Variants in EXO1 observed in about 807,000 individuals in gnomAD.
EXO1 encodes the protein exonuclease 1.
In EXO1, 69 loss-of-function variants were observed where a neutral mutation model predicts 84.5. The ratio of observed to expected loss-of-function variants is 0.82; its 90% CI spans 0.67 to 1.00. The LOEUF (loss-of-function observed/expected upper bound fraction) is 1.00. Among genes scored for constraint, EXO1 ranks in the 50% least tolerant of loss-of-function variants. The pLI is 0.00. For missense variants in EXO1, 1,045 were observed against 1,000.7 expected, an observed-to-expected ratio of 1.04 and a Z score of -0.60; for synonymous variants, 373 against 366.1, an observed-to-expected ratio of 1.02 and a Z score of -0.21.
intron 10 of EXO1, among the ~76,000 whole-genome samples, chr1:241,862,775 G>A (rs1307338251): frequency 1.3e-5 from 2 of 152,120 alleles, no homozygotes; most frequent in African/African-American, 4.8e-5. Context: ...CTTCCATTTC[G>A]TTGCTACATC....
At chr1:241,870,150 C>T (rs1041900142) in intron 11 of EXO1, among the ~76,000 whole-genome samples, 3 of 152,150 alleles carry the variant, frequency 2.0e-5, no homozygotes, top group Non-Finnish European at 4.4e-5. Flanking sequence ...AATCAAGACA[C>T]GCTGTCCATT....
In EXO1 at chr1:241,872,345, C is replaced by T. The variant is rs1425774336; in HGVS notation, c.1514+67C>T. 8 of 1,540,720 alleles carry T rather than the reference C, an allele frequency of 5.2e-6. No individual in the cohort carries two copies. In the Admixed American group the frequency reaches 1.3e-4, roughly 26 times the overall value. On this transcript the variant is annotated intron_variant, in intron 12 of 15. Transcript: ENST00000366548. The stretch of plus-strand genomic sequence containing the variant: ...TGTACTCTGTTGGTATTTATTTTGT[C>T]TTTTTTTAGAATTAATTTATTTATT...
chr1:241,862,085 T>A (rs926879328), intron 10 of EXO1, among the ~76,000 whole-genome samples: 1 of 152,096 alleles, frequency 6.6e-6, no homozygotes, highest in African/African-American at 2.4e-5. Flanking sequence ...ATTACAGGCA[T>A]GCACCACCAC....
At chr1:241,856,708 C>T (rs1661067711) in intron 6 of EXO1, among the ~76,000 whole-genome samples, 1 of 152,060 alleles carries the variant, frequency 6.6e-6, no homozygotes, top group African/African-American at 2.4e-5. Context: ...GGAACATAGC[C>T]ATTCTTAAGA....
intron 6 of EXO1, among the ~76,000 whole-genome samples, chr1:241,855,790 G>A (rs1189158373): frequency 1.3e-5 from 2 of 152,188 alleles, no homozygotes; most frequent in Admixed American, 6.5e-5. Flanking sequence ...ACTGCTGGGG[G>A]ACCCAGTACA....
At chr1:241,861,185 T>C (rs944476203) in intron 9 of EXO1, among the ~76,000 whole-genome samples, 1 of 152,328 alleles carries the variant, frequency 6.6e-6, no homozygotes, top group Admixed American at 6.5e-5. Flanking sequence ...GAGTCAGTGA[T>C]GGCCTGGGCC....
rs1289992812 is a variant in EXO1, at chr1:241,879,129, A to G, written c.1895A>G (p.Gln632Arg). Reference sequence around the variant, plus strand: ...CCCTCTCCAAGCACAGCATTGCAGCAGTTCCGAAGAAAGAGCGATTCCCCC... The same window carrying G: ...CCCTCTCCAAGCACAGCATTGCAGCGGTTCCGAAGAAAGAGCGATTCCCCC... Reference protein sequence around the residue: ...PSPSPSTALQQFRRKSDSPTS... With the variant: ...PSPSPSTALQRFRRKSDSPTS... Residue 632 changes from glutamine to arginine, a missense_variant, in exon 13 of 16, where the codon CAG (glutamine) becomes CGG (arginine). Coordinates refer to ENST00000366548, the MANE Select transcript of EXO1 (RefSeq NM_130398.4). The G allele has an allele frequency of 2.5e-6, 4 of 1,610,432 alleles. No homozygotes were observed. The highest frequency in any genetic ancestry group is 3.4e-6 in the Non-Finnish European group (4 of 1,176,802).
At chr1:241,855,481 C>G (rs1660939996) in intron 6 of EXO1, among the ~76,000 whole-genome samples, 1 of 152,230 alleles carries the variant, frequency 6.6e-6, no homozygotes, top group Non-Finnish European at 1.5e-5. Context: ...TAAAGATTCT[C>G]CAAGGCCCCA....
At chr1:241,855,837 T>C (rs12562788) in intron 6 of EXO1, among the ~76,000 whole-genome samples, 11,104 of 152,274 alleles carry the variant, frequency 0.073, 617 homozygotes, top group Admixed American at 0.17. Flanking sequence ...TAAGCCCTCA[T>C]TGCCTGGGGC....
chr1:241,881,581 A>G (rs941137907), intron 13 of EXO1, among the ~76,000 whole-genome samples: 14 of 152,230 alleles, frequency 9.2e-5, no homozygotes, highest in Admixed American at 2.0e-4. Flanking sequence ...AGCTAGTAAG[A>G]TGAAAACTTA....
intron 8 of EXO1, 67 bp from the exon 9 acceptor site, chr1:241,860,450 C>A: frequency 8.1e-7 from 1 of 1,228,376 alleles, no homozygotes; most frequent in African/African-American, 1.5e-5. Context: ...GTAAATCAAT[C>A]AGCCTTGAGG....
At chr1:241,855,549 A>G (rs1370112325) in intron 6 of EXO1, among the ~76,000 whole-genome samples, 4 of 152,234 alleles carry the variant, frequency 2.6e-5, no homozygotes, top group African/African-American at 4.8e-5. Flanking sequence ...GCTGCAGGTG[A>G]AGCTGCCTGT....
intron 4 of EXO1, among the ~76,000 whole-genome samples, chr1:241,852,077 G>A (rs571532202): frequency 2.6e-5 from 4 of 152,340 alleles, no homozygotes; most frequent in African/African-American, 9.6e-5. Context: ...GGAGGGTCAA[G>A]TAGTTCACCA....
At position 241,889,548 on chromosome 1, in the gene EXO1, A is replaced by C; in HGVS notation, c.2489A>C (p.Asp830Ala). ...CAACTAACTCCAGAAGCGGAAGAGGATATATTTAACAAACCTGAATGTGGC... is the reference window on the plus strand; with the variant it reads ...CAACTAACTCCAGAAGCGGAAGAGGCTATATTTAACAAACCTGAATGTGGC... The part of the protein sequence containing the change: ...NIQLTPEAEE[D>A]IFNKPECGRV... Residue 830 changes from aspartate (D) to alanine (A), a missense_variant, in exon 16 of 16, where the codon GAT becomes GCT. Physicochemically the swap from Asp to Ala is moderately radical, Grantham distance 126. Transcript: ENST00000366548. 6.2e-7 allele frequency: 1 copy of C among 1,613,958 alleles called. No individual in the cohort carries two copies. The highest frequency in any genetic ancestry group is 1.3e-5 in the African/African-American group (1 of 75,046).
intron 10 of EXO1, among the ~76,000 whole-genome samples, chr1:241,864,238 G>A (rs1661578669): frequency 6.6e-6 from 1 of 152,152 alleles, no homozygotes; most frequent in South Asian, 2.1e-4. Flanking sequence ...ATTCTCCAAT[G>A]TTGGAATGTT....
intron 13 of EXO1, 93 bp downstream of exon 13, chr1:241,879,436 T>C: frequency 1.4e-6 from 1 of 710,844 alleles, no homozygotes; most frequent in Non-Finnish European, 2.4e-6. Context: ...TACATGTGAA[T>C]GACGAGCTAT....
At chr1:241,871,699 A>T (rs1662097368) in intron 11 of EXO1, among the ~76,000 whole-genome samples, 1 of 152,066 alleles carries the variant, frequency 6.6e-6, no homozygotes, top group Non-Finnish European at 1.5e-5. Flanking sequence ...TTTCCTGGAG[A>T]TTTTTTTATA....
chr1:241,862,636 C>T (rs1232941660), intron 10 of EXO1, among the ~76,000 whole-genome samples: 1 of 152,198 alleles, frequency 6.6e-6, no homozygotes, highest in Non-Finnish European at 1.5e-5. Flanking sequence ...AGAATGTGGT[C>T]TTCATAAAGG....
chr1:241,869,460 C>T (rs1006566845), intron 11 of EXO1, among the ~76,000 whole-genome samples: 8 of 152,124 alleles, frequency 5.3e-5, no homozygotes, highest in African/African-American at 1.9e-4. Flanking sequence ...AACTTCCTTC[C>T]CTCAGACATC....
Sources: gnomAD v4.1 joint callset for allele counts (sites outside exome capture counted in the v4.1 genomes callset) on GRCh38, gnomAD v4.1.1 for gene constraint, MANE v1.5 for transcripts, NCBI Gene and HGNC (gene_info 2026-07-23, HGNC 2026-07-21) for gene names.